The following PODXL2 variants were observed in gnomAD, a reference collection of about 807,000 sequenced individuals.
The protein encoded by PODXL2 is podocalyxin-like protein 2.
A neutral mutation model predicts 53.4 loss-of-function variants in PODXL2; 17 were observed. The observed-to-expected ratio is 0.32, with a 90% CI of 0.22 to 0.48. The LOEUF (loss-of-function observed/expected upper bound fraction) is 0.48. Among genes scored for constraint, PODXL2 ranks in the 20% least tolerant of loss-of-function variants. PODXL2 has a pLI of 0.99. For synonymous variants in PODXL2, 311 were observed against 306.7 expected (o/e 1.01, Z -0.15); for missense variants, 673 against 760.0 (o/e 0.89, Z 1.35).
At chr3:127,643,045 T>C in intron 2 of PODXL2, among the ~76,000 whole-genome samples, 1 of 152,170 alleles carries the variant, frequency 6.6e-6, no homozygotes, top group East Asian at 1.9e-4. Context: ...TACTTTCCTG[T>C]TTTTTTCTAT....
At chr3:127,647,294 A>G (rs973555687) in intron 2 of PODXL2, among the ~76,000 whole-genome samples, 1 of 152,206 alleles carries the variant, frequency 6.6e-6, no homozygotes, top group Non-Finnish European at 1.5e-5. Context: ...GTGAAGTTAC[A>G]GCCTGACCAG....
At position 127,668,499 on chromosome 3, in the gene PODXL2, C is replaced by A. The variant is rs1275260253; in HGVS notation, c.1265C>A (p.Pro422His). The A allele has an allele frequency of 6.5e-7, 1 of 1,542,620 alleles. No homozygotes were observed. Among genetic ancestry groups the A allele is most frequent in the Non-Finnish European group, 8.8e-7 (1 of 1,142,640 alleles). ...CTGGCCCTGGTGGAAGAGGTGCTGC[C>A]CCGCCATGGCAGTGGCCACCATGGG... is the stretch of plus-strand genomic sequence containing the variant. ...QLLALVEEVLPRHGSGHHGAW... is the reference protein window; with the variant it reads ...QLLALVEEVLHRHGSGHHGAW... Residue 422 changes from proline to histidine, a missense_variant, in exon 5 of 8, where the codon CCC (proline) becomes CAC (histidine). Coordinates refer to ENST00000342480, the MANE Select transcript of PODXL2 (RefSeq NM_015720.4).
chr3:127,667,546 A>G (rs572818059), intron 4 of PODXL2, among the ~76,000 whole-genome samples: 1 of 152,286 alleles, frequency 6.6e-6, no homozygotes, highest in African/African-American at 2.4e-5. Context: ...ATCTTCCTAG[A>G]TGGGGCTGGG....
chr3:127,654,207 T>C (rs1040509186), intron 2 of PODXL2, among the ~76,000 whole-genome samples: 1 of 152,228 alleles, frequency 6.6e-6, no homozygotes, highest in African/African-American at 2.4e-5. Context: ...CTTGACATTG[T>C]TGGAGTGCAG....
intron 2 of PODXL2, among the ~76,000 whole-genome samples, chr3:127,640,157 C>T (rs6789777): frequency 1.3e-4 from 20 of 152,196 alleles, no homozygotes; most frequent in Non-Finnish European, 2.6e-4. Flanking sequence ...GAATGCCCAC[C>T]GCCATGAGCT....
At position 127,642,291 on chromosome 3, in the gene PODXL2, G is replaced by GA. The variant is rs201417926; in HGVS notation, c.349+2785dup. Among the ~76,000 whole-genome samples, 508 of 77,176 alleles carry GA rather than the reference G, an allele frequency of 6.6e-3. 3 individuals carry two copies. Among genetic ancestry groups the GA allele is most frequent in the Middle Eastern group, 0.011 (1 of 92 alleles). 50.6% of individuals were successfully genotyped at this position (77,176 alleles called of 152,430 possible). On this transcript the variant is annotated intron_variant, in intron 2 of 7. Coordinates refer to ENST00000342480, the MANE Select transcript of PODXL2 (RefSeq NM_015720.4). ...GGGGACAGAGCGAGACTCCATCTCA[G>GA]AAAAAAAAAAAAAAAAAGATGTATC...
rs10049491 is a variant in PODXL2, at chr3:127,665,912, A to G, written c.1207-2529A>G. 2.2e-3 allele frequency: 999 copies of G among 463,356 alleles called. 8 individuals carry two copies. The highest frequency in any genetic ancestry group is 0.017 in the African/African-American group (888 of 50,762). The allele number at this position is 463,356 out of a possible 1,614,324, so 28.7% of individuals were successfully genotyped here. ...TCTGCAAGGAGTCCTGCTTCCTTTT[A>G]ATGAGGAAAGGTATTTAGAAACTAA... On this transcript the variant is annotated intron_variant, in intron 4 of 7. Coordinates refer to ENST00000342480, the MANE Select transcript of PODXL2 (RefSeq NM_015720.4).
At chr3:127,662,750 T>A (rs2074775659) in intron 4 of PODXL2, among the ~76,000 whole-genome samples, 1 of 152,162 alleles carries the variant, frequency 6.6e-6, no homozygotes, top group Non-Finnish European at 1.5e-5. Flanking sequence ...TTGAGCATAG[T>A]GCTAGGGTTG....
intron 2 of PODXL2, among the ~76,000 whole-genome samples, chr3:127,639,730 C>T (rs1158116558): frequency 6.6e-6 from 1 of 152,192 alleles, no homozygotes; most frequent in African/African-American, 2.4e-5. Context: ...TTAATACTAA[C>T]CACTGTTTAG....
intron 4 of PODXL2, 152 bp downstream of exon 4, chr3:127,662,463 T>C (rs1421286144): frequency 3.5e-6 from 2 of 568,006 alleles, no homozygotes; most frequent in Admixed American, 3.0e-5. Context: ...CCATCAACAT[T>C]ACACACAGAG....
At chr3:127,670,376 C>G (rs2074824786) in intron 6 of PODXL2, among the ~76,000 whole-genome samples, 1 of 152,230 alleles carries the variant, frequency 6.6e-6, no homozygotes, top group South Asian at 2.1e-4. Flanking sequence ...CTTCCCAGTT[C>G]TGGAATCGTG....
chr3:127,660,547 G>A lies in PODXL2; in HGVS notation c.519G>A (p.Arg173=), dbSNP rs780887620. ...EEEEEEEEEE[R]EKEEVEKQEE... ...AAGAGGAAGAGGAAGAGGAGGAGAG[G>A]GAGAAGGAAGAGGTAGAGAAACAAG... The change falls in exon 3 of 8, where the codon AGG becomes AGA. Residue 173 remains arginine (R), a synonymous_variant. Transcript: ENST00000342480. 6.2e-7 allele frequency: 1 copy of A among 1,613,638 alleles called. No individual in the cohort carries two copies. The highest frequency in any genetic ancestry group is 1.7e-5 in the Admixed American group (1 of 60,014).
intron 1 of PODXL2, among the ~76,000 whole-genome samples, chr3:127,630,607 C>T (rs911212792): frequency 2.0e-5 from 3 of 152,152 alleles, no homozygotes; most frequent in African/African-American, 7.2e-5. Flanking sequence ...CTCAGAGTGG[C>T]AGAATCCCAG....
chr3:127,629,203 G>A lies in PODXL2; in HGVS notation c.-17G>A. 3 of 985,776 alleles carry A rather than the reference G, an allele frequency of 3.0e-6. No homozygotes were observed. The highest frequency in any genetic ancestry group is 3.6e-6 in the Non-Finnish European group (3 of 831,376). 61.1% of individuals were successfully genotyped at this position (985,776 alleles called of 1,614,324 possible). ...GGGCGCCGCGCCGCTGCGGCTGCAG[G>A]CGGCGACGGCTACACCATGGGCCGG... On this transcript the variant is annotated 5_prime_UTR_variant, in exon 1 of 8. Transcript: ENST00000342480. This position sits in a 1 kb window ranked among gnomAD's most constrained non-coding sequence, Gnocchi z 6.4.
intron 6 of PODXL2, among the ~76,000 whole-genome samples, chr3:127,671,076 TTAGGA>T (rs1255807221): frequency 2.0e-5 from 3 of 152,146 alleles, no homozygotes; most frequent in Non-Finnish European, 4.4e-5. Flanking sequence ...CTCTAACTAG[TTAGGA>T]TAGGTGTGGG....
At chr3:127,641,473 T>C in intron 2 of PODXL2, among the ~76,000 whole-genome samples, 1 of 152,078 alleles carries the variant, frequency 6.6e-6, no homozygotes, top group East Asian at 1.9e-4. Flanking sequence ...CCTCCCAAAG[T>C]GCTAAGATTA....
chr3:127,658,406 C>CTTT (rs60979669), intron 2 of PODXL2, among the ~76,000 whole-genome samples: 22 of 87,364 alleles, frequency 2.5e-4, no homozygotes, highest in South Asian at 8.0e-4. Context: ...TTTCCCATGT[C>CTTT]TTTTTTTTTT....
In PODXL2 at chr3:127,660,523, A is replaced by G; in HGVS notation, c.495A>G (p.Glu165=). Reference sequence around the variant, plus strand: ...ATATGCCTCCCAGAGAGGAGGAAGAAGAGGAAGAGGAAGAGGAGGAGAGGG... The same window carrying G: ...ATATGCCTCCCAGAGAGGAGGAAGAGGAGGAAGAGGAAGAGGAGGAGAGGG... ...PWHMPPREEE[E]EEEEEEEREK... is the part of the protein sequence containing the mutation. The change falls in exon 3 of 8, where the codon GAA becomes GAG. Residue 165 remains glutamate, a synonymous_variant. Transcript: ENST00000342480. 2 of 1,610,002 alleles carry G rather than the reference A, an allele frequency of 1.2e-6. No homozygotes were observed. The highest frequency in any genetic ancestry group is 1.7e-6 in the Non-Finnish European group (2 of 1,179,646).
At chr3:127,665,011 T>G (rs898752744) in intron 4 of PODXL2, among the ~76,000 whole-genome samples, 1 of 152,334 alleles carries the variant, frequency 6.6e-6, no homozygotes, top group Non-Finnish European at 1.5e-5. Context: ...TTGTGTTTCC[T>G]CAGAACAAGA....
Sources: gnomAD v4.1 joint callset for allele counts (sites outside exome capture counted in the v4.1 genomes callset) on GRCh38, gnomAD v4.1.1 for gene constraint, Gnocchi (gnomAD v3.1) non-coding constraint, MANE v1.5 for transcripts, NCBI Gene and HGNC (gene_info 2026-07-23, HGNC 2026-07-21) for gene names.